The following MSANTD2 variants were observed in gnomAD, a reference collection of about 807,000 sequenced individuals.
MSANTD2 encodes the protein myb/SANT-like DNA-binding domain-containing protein 2.
A neutral mutation model predicts 52.6 loss-of-function variants in MSANTD2; 19 were observed. The observed-to-expected ratio is 0.36, with a 90% CI of 0.25 to 0.53. MSANTD2 has a LOEUF of 0.53. Ranked by LOEUF, MSANTD2 falls within the 20% of genes least tolerant of loss-of-function variation. The pLI, the probability that MSANTD2 is intolerant of heterozygous loss-of-function variation, is 0.91. For missense variants in MSANTD2, 558 were observed against 716.3 expected, an observed-to-expected ratio of 0.78 and a Z score of 2.52; for synonymous variants, 291 against 289.7, an observed-to-expected ratio of 1.00 and a Z score of -0.04.
chr11:124,783,168 T>C (rs1046538639), intron 1 of MSANTD2, among the ~76,000 whole-genome samples: 3 of 152,186 alleles, frequency 2.0e-5, no homozygotes, highest in Non-Finnish European at 4.4e-5. Flanking sequence ...GAAGAGATCT[T>C]ACCTCTCTGG....
intron 1 of MSANTD2, among the ~76,000 whole-genome samples, chr11:124,787,221 G>A (rs1272671036): frequency 1.3e-5 from 2 of 152,180 alleles, no homozygotes; most frequent in Non-Finnish European, 2.9e-5. Context: ...GTGCAGCAAA[G>A]TGTGGTATCA....
At chr11:124,769,108 G>C (rs1308941925) in intron 3 of MSANTD2, among the ~76,000 whole-genome samples, 4 of 152,108 alleles carry the variant, frequency 2.6e-5, no homozygotes, top group African/African-American at 9.7e-5. Flanking sequence ...TCTTGAAAAC[G>C]GGCTCTGGAA....
Position 124,800,153 on chromosome 11 carries a change from G to A in MSANTD2, c.228C>T (p.Ala76=), listed in dbSNP as rs1419791995. The A allele has an allele frequency of 1.4e-6, 2 of 1,473,600 alleles. No homozygotes were observed. The highest frequency in any genetic ancestry group is 1.8e-6 in the Non-Finnish European group (2 of 1,120,566). The allele number at this position is 1,473,600 out of a possible 1,614,324, so 91.3% of individuals were successfully genotyped here. A position where few individuals can be genotyped will look rare whatever the true frequency, so the allele number is the denominator to read the frequency against. Residue 76 remains alanine (A), a synonymous_variant, in exon 1 of 4, where the codon GCC becomes GCT. Coordinates refer to ENST00000374979, the MANE Select transcript of MSANTD2 (RefSeq NM_001308027.2). This position sits in a 1 kb window ranked among gnomAD's most constrained non-coding sequence, Gnocchi z 4.3. Reference sequence around the variant, plus strand: ...CAGGGGAGAAGGAGACCGAGGACGAGGCGGCGCTGCGGCCCCCCAGCCCCA... The same window carrying A: ...CAGGGGAGAAGGAGACCGAGGACGAAGCGGCGCTGCGGCCCCCCAGCCCCA... The part of the protein sequence containing the change: ...LGLGLGGRSA[A]SSSVSFSPGG...
intron 1 of MSANTD2, among the ~76,000 whole-genome samples, chr11:124,795,360 T>C (rs1332226595): frequency 6.6e-6 from 1 of 152,194 alleles, no homozygotes; most frequent in Non-Finnish European, 1.5e-5. Context: ...CCCAAAAATA[T>C]GGGACTTGAG....
In MSANTD2 at chr11:124,766,809, A is replaced by C. The variant is rs1655348310; in HGVS notation, c.*367T>G. ...AAAAATGAAACATTGTGAAAAAAAT[A>C]CAATTTTTCAATTTCATATGAAACT... On this transcript the variant is annotated 3_prime_UTR_variant, in exon 4 of 4. Coordinates refer to ENST00000374979, the MANE Select transcript of MSANTD2 (RefSeq NM_001308027.2). The C allele has an allele frequency of 6.0e-6, 1 of 168,016 alleles. No homozygotes were observed. Among genetic ancestry groups the C allele is most frequent in the Admixed American group, 6.1e-5 (1 of 16,364 alleles). The allele number at this position is 168,016 out of a possible 1,614,324, so 10.4% of individuals were successfully genotyped here. A position where few individuals can be genotyped will look rare whatever the true frequency, so the allele number is the denominator to read the frequency against.
At chr11:124,796,351 A>G (rs1330945865) in intron 1 of MSANTD2, among the ~76,000 whole-genome samples, 1 of 152,176 alleles carries the variant, frequency 6.6e-6, no homozygotes, top group African/African-American at 2.4e-5. Flanking sequence ...TGACTAAAGG[A>G]AGGTTTGCAT....
chr11:124,785,538 G>T (rs940284228), intron 1 of MSANTD2, among the ~76,000 whole-genome samples: 4 of 152,198 alleles, frequency 2.6e-5, no homozygotes, highest in African/African-American at 9.7e-5. Flanking sequence ...TTGAGGCAAG[G>T]TTGGACCTTG....
At chr11:124,797,942 T>G (rs1278787784) in intron 1 of MSANTD2, among the ~76,000 whole-genome samples, 1 of 152,158 alleles carries the variant, frequency 6.6e-6, no homozygotes, top group African/African-American at 2.4e-5. Flanking sequence ...ATGGAGAGAT[T>G]TATATTCAGT....
At chr11:124,795,478 T>C (rs1224853022) in intron 1 of MSANTD2, among the ~76,000 whole-genome samples, 2 of 152,208 alleles carry the variant, frequency 1.3e-5, no homozygotes, top group Non-Finnish European at 2.9e-5. Flanking sequence ...TTTCAACTAC[T>C]ACAGTATGGC....
rs148121801 is a variant in MSANTD2, at chr11:124,791,905, A to G, written c.510+7966T>C. 1,211 of 359,848 alleles carry G rather than the reference A, an allele frequency of 3.4e-3. 3 individuals carry two copies. Among genetic ancestry groups the G allele is most frequent in the Middle Eastern group, 0.017 (18 of 1,052 alleles). 22.3% of individuals were successfully genotyped at this position (359,848 alleles called of 1,614,324 possible). On this transcript the variant is annotated intron_variant, in intron 1 of 3. Coordinates refer to ENST00000374979, the MANE Select transcript of MSANTD2 (RefSeq NM_001308027.2). Reference sequence around the variant, plus strand: ...CTTCAATTAGAACAGAACATATCAGAGTATATTACATGTAGTTCAGTATAG... The same window carrying G: ...CTTCAATTAGAACAGAACATATCAGGGTATATTACATGTAGTTCAGTATAG...
chr11:124,773,224 G>A (rs1944605985), intron 2 of MSANTD2, 170 bp from the exon 3 acceptor site: 2 of 517,468 alleles, frequency 3.9e-6, no homozygotes, highest in Non-Finnish European at 6.8e-6. Context: ...CTTATATAAT[G>A]AGATGCATAC....
At chr11:124,796,660 T>C (rs1404658428) in intron 1 of MSANTD2, among the ~76,000 whole-genome samples, 1 of 152,214 alleles carries the variant, frequency 6.6e-6, no homozygotes, top group Non-Finnish European at 1.5e-5. Flanking sequence ...CCCAGAAATG[T>C]AATTGACTCA....
At chr11:124,784,573 G>C in intron 1 of MSANTD2, 6 of 985,190 alleles carry the variant, frequency 6.1e-6, no homozygotes, top group Non-Finnish European at 7.2e-6. Context: ...CCATTCATGA[G>C]ACCAATGTTT....
At chr11:124,769,032 C>T (rs1944405351) in intron 3 of MSANTD2, among the ~76,000 whole-genome samples, 1 of 152,170 alleles carries the variant, frequency 6.6e-6, no homozygotes, top group Admixed American at 6.5e-5. Flanking sequence ...CCTATAAAAA[C>T]ACTCAACTAC....
At chr11:124,787,593 C>G (rs1359725756) in intron 1 of MSANTD2, among the ~76,000 whole-genome samples, 1 of 152,138 alleles carries the variant, frequency 6.6e-6, no homozygotes, top group Non-Finnish European at 1.5e-5. Context: ...ACTGGCCAGG[C>G]TGGTCTCAAT....
chr11:124,799,288 A>G lies in MSANTD2; in HGVS notation c.510+583T>C, dbSNP rs1248600485. Among the ~76,000 whole-genome samples, 3 of 152,208 alleles carry G rather than the reference A, an allele frequency of 2.0e-5. No homozygotes were observed. The East Asian group carries it at 5.8e-4, about 29-fold the overall frequency. On this transcript the variant is annotated intron_variant, in intron 1 of 3. Transcript: ENST00000374979. ...GGTAACAATACACAATCTGGCTACA[A>G]TCAAGCCTTTCCAATTCTCCAAAGC...
intron 1 of MSANTD2, chr11:124,790,256 C>T (rs942302889): frequency 2.6e-5 from 4 of 152,182 alleles, no homozygotes; most frequent in African/African-American, 9.7e-5. Flanking sequence ...GGAAGCAGAA[C>T]TGAAGAGTCT....
chr11:124,781,828 T>C (rs1330880944), intron 1 of MSANTD2, among the ~76,000 whole-genome samples: 1 of 152,106 alleles, frequency 6.6e-6, no homozygotes, highest in Admixed American at 6.6e-5. Context: ...AATTTTTATA[T>C]TTTTAGTAGA....
chr11:124,787,254 T>A (rs1945190050), intron 1 of MSANTD2, among the ~76,000 whole-genome samples: 1 of 152,226 alleles, frequency 6.6e-6, no homozygotes. Flanking sequence ...CGGGTAGGAA[T>A]AACATGTAGG....
Sources: gnomAD v4.1 joint callset for allele counts (sites outside exome capture counted in the v4.1 genomes callset) on GRCh38, gnomAD v4.1.1 for gene constraint, Gnocchi (gnomAD v3.1) non-coding constraint, MANE v1.5 for transcripts, NCBI Gene and HGNC (gene_info 2026-07-23, HGNC 2026-07-21) for gene names.